ATP6V0A1: variants seen among roughly 807,000 people sequenced by gnomAD.
ATP6V0A1 encodes V-type proton ATPase 116 kDa subunit a 1.
In ATP6V0A1, 43 loss-of-function variants were observed where a neutral mutation model predicts 105.4. The observed-to-expected ratio is 0.41, with a 90% confidence interval of 0.32 to 0.53. The LOEUF is 0.53. ATP6V0A1 is among the 20% of genes least tolerant of loss of function. The pLI is 0.30. For synonymous variants in ATP6V0A1, 362 were observed against 372.8 expected (o/e 0.97, Z 0.33); for missense variants, 676 against 1,051.1 (o/e 0.64, Z 4.93).
chr17:42,518,635 T>C (rs2092719224), intron 21 of ATP6V0A1: 2 of 152,264 alleles, frequency 1.3e-5, no homozygotes, highest in South Asian at 2.1e-4. Flanking sequence ...GCATGAATGA[T>C]GTCTTTTGGC....
At position 42,513,948 on chromosome 17, in the gene ATP6V0A1, C is replaced by T; in HGVS notation, c.2218C>T (p.Arg740Trp). The change falls in exon 20 of 22, where the codon CGG becomes TGG. Residue 740 changes from arginine (R) to tryptophan (W), a missense_variant. Physicochemically the swap from Arg to Trp is moderately radical, Grantham distance 101. Transcript: ENST00000343619. The stretch of plus-strand genomic sequence containing the variant: ...CATCTCCAACACTGCCTCCTACTTG[C>T]GGCTCTGGGCCCTCAGCCTCGCTCA... Reference protein sequence around the residue: ...GCISNTASYLRLWALSLAHAQ... With the variant: ...GCISNTASYLWLWALSLAHAQ... 1 of 1,614,194 alleles carries T rather than the reference C, an allele frequency of 6.2e-7. No individual in the cohort carries two copies. The highest frequency in any genetic ancestry group is 8.5e-7 in the Non-Finnish European group (1 of 1,180,022).
chr17:42,507,451 C>A, intron 17 of ATP6V0A1, 69 bp from the exon 18 acceptor site: 1 of 1,126,342 alleles, frequency 8.9e-7, no homozygotes, highest in Non-Finnish European at 1.3e-6. Context: ...CTAACCATCG[C>A]CCTTCCCACC....
At chr17:42,480,821 A>G in intron 8 of ATP6V0A1, 72 bp downstream of exon 8, 1 of 1,379,138 alleles carries the variant, frequency 7.3e-7, no homozygotes, top group South Asian at 1.3e-5. Context: ...AGTTCACAAT[A>G]GTGAAATACA....
chr17:42,462,784 A>G (rs2086578875), intron 2 of ATP6V0A1, among the ~76,000 whole-genome samples: 1 of 151,434 alleles, frequency 6.6e-6, no homozygotes, highest in Non-Finnish European at 1.5e-5. Context: ...TATAACATTA[A>G]GAAAAAAAAT....
At position 42,519,801 on chromosome 17, in the gene ATP6V0A1, G is replaced by A. The variant is rs562648156; in HGVS notation, c.2421-1226G>A. ...TTGGCCCACCCCTGTGGAATGTGGG[G>A]ATGTGGGGAAGAAAGCTGACTGCTT... On this transcript the variant is annotated intron_variant, in intron 21 of 21. Coordinates refer to ENST00000343619, the MANE Select transcript of ATP6V0A1 (RefSeq NM_001130021.3). 5 of 152,442 alleles carry A rather than the reference G, an allele frequency of 3.3e-5. No individual in the cohort carries two copies. The East Asian group carries it at 7.7e-4, about 24-fold the overall frequency. 9.4% of individuals were successfully genotyped at this position (152,442 alleles called of 1,614,324 possible).
chr17:42,493,179 A>G (rs893515296), intron 11 of ATP6V0A1, among the ~76,000 whole-genome samples: 1 of 152,150 alleles, frequency 6.6e-6, no homozygotes, highest in African/African-American at 2.4e-5. Flanking sequence ...CCCTGTTCCA[A>G]GGTTAGACAG....
At chr17:42,490,781 T>C in intron 11 of ATP6V0A1, 144 bp downstream of exon 11, 1 of 860,452 alleles carries the variant, frequency 1.2e-6, no homozygotes. Flanking sequence ...CTCAAACTCC[T>C]GGCCTCAAGA....
chr17:42,507,415 C>G, intron 17 of ATP6V0A1, 105 bp from the exon 18 acceptor site: 1 of 785,774 alleles, frequency 1.3e-6, no homozygotes, highest in Non-Finnish European at 2.1e-6. Context: ...TGTTGTTAGA[C>G]ATATGCTTTT....
At chr17:42,481,961 C>T (rs1269850998) in intron 8 of ATP6V0A1, among the ~76,000 whole-genome samples, 1 of 152,128 alleles carries the variant, frequency 6.6e-6, no homozygotes, top group African/African-American at 2.4e-5. Context: ...CCTGCCTCAG[C>T]CTCCCGAGTA....
intron 15 of ATP6V0A1, among the ~76,000 whole-genome samples, 168 bp downstream of exon 15, chr17:42,499,210 C>G (rs1275008647): frequency 6.6e-6 from 1 of 152,192 alleles, no homozygotes; most frequent in Admixed American, 6.5e-5. Context: ...GTGGATCATG[C>G]CTGTAATCCC....
intron 4 of ATP6V0A1, among the ~76,000 whole-genome samples, chr17:42,468,919 C>T (rs1384344462): frequency 1.3e-5 from 2 of 152,156 alleles, no homozygotes; most frequent in Admixed American, 1.3e-4. Flanking sequence ...CATCTTGGCT[C>T]ACTGCAACCC....
At chr17:42,466,045 A>G (rs2087015257) in intron 2 of ATP6V0A1, among the ~76,000 whole-genome samples, 1 of 152,240 alleles carries the variant, frequency 6.6e-6, no homozygotes, top group Admixed American at 6.5e-5. Context: ...GCCTTGGGAC[A>G]GAAAAACAAG....
At chr17:42,460,415 G>A (rs1296515159) in intron 1 of ATP6V0A1, 2 of 156,742 alleles carry the variant, frequency 1.3e-5, no homozygotes, top group East Asian at 3.7e-4. Flanking sequence ...ATAGTTACAA[G>A]GCAGACATCT....
chr17:42,504,049 T>G lies in ATP6V0A1; in HGVS notation c.2004+2745T>G, dbSNP rs540234166. Among the ~76,000 whole-genome samples, 12 of 152,356 alleles carry G rather than the reference T, an allele frequency of 7.9e-5. No individual in the cohort carries two copies. In the South Asian group the frequency reaches 2.5e-3, roughly 32 times the overall value. On this transcript the variant is annotated intron_variant, in intron 17 of 21. Coordinates refer to ENST00000343619, the MANE Select transcript of ATP6V0A1 (RefSeq NM_001130021.3). ...TTGCGACTTCTTCTGTGATAAATTC[T>G]AAGTTAAAAGTTCCCCGTTTGGAAA...
chr17:42,484,931 C>T lies in ATP6V0A1; in HGVS notation c.810+1800C>T, dbSNP rs541343423. ...GTGGCGCGATCTCGGCTCACTGCAA[C>T]CTCTGCCTCACAGATTCAAGCAATT... On this transcript the variant is annotated intron_variant, in intron 9 of 21. Transcript: ENST00000343619. Among the ~76,000 whole-genome samples, 77 of 151,570 alleles carry T rather than the reference C, an allele frequency of 5.1e-4. 1 individual carries two copies. In the South Asian group the frequency reaches 0.016, roughly 32 times the overall value.
intron 18 of ATP6V0A1, among the ~76,000 whole-genome samples, chr17:42,508,242 C>A (rs2092147027): frequency 6.6e-6 from 1 of 152,202 alleles, no homozygotes; most frequent in African/African-American, 2.4e-5. Flanking sequence ...TATTAAATCT[C>A]ATCTACTCAT....
chr17:42,491,859 C>T (rs531446140), intron 11 of ATP6V0A1, among the ~76,000 whole-genome samples: 120 of 151,334 alleles, frequency 7.9e-4, no homozygotes, highest in African/African-American at 2.8e-3. Context: ...CCTCATGATC[C>T]ACCCGCCTTG....
Position 42,494,440 on chromosome 17 carries a change from G to GATTCA in ATP6V0A1, c.1282_1283insTTCAA (p.Ser428IlefsTer27), listed in dbSNP as rs2090965414. 1 of 1,613,582 alleles carries GATTCA rather than the reference G, an allele frequency of 6.2e-7. No individual in the cohort carries two copies. Among genetic ancestry groups the GATTCA allele is most frequent in the African/African-American group, 1.3e-5 (1 of 74,856 alleles). On this transcript the variant is annotated frameshift_variant, in exon 12 of 22. Transcript: ENST00000343619. LOFTEE classifies it high-confidence loss of function. ...TTGCTGTGTGGATGGTACTGAGGGA[G>GATTCA]AGCCGGATCCTTTCCCAGAAGAATG...
intron 20 of ATP6V0A1, 61 bp downstream of exon 20, chr17:42,514,039 T>C (rs1448807756): frequency 2.6e-6 from 4 of 1,527,710 alleles, no homozygotes; most frequent in East Asian, 2.2e-5. Context: ...GCACTGTCAG[T>C]TGGGGGGCTT....
Sources: gnomAD v4.1 joint callset for allele counts (sites outside exome capture counted in the v4.1 genomes callset) on GRCh38, gnomAD v4.1.1 for gene constraint, MANE v1.5 for transcripts, NCBI Gene and HGNC (gene_info 2026-07-23, HGNC 2026-07-21) for gene names.